The following PDILT variants were observed in gnomAD, a reference collection of about 807,000 sequenced individuals.
PDILT encodes the protein protein disulfide isomerase like, testis expressed.
Under a neutral mutation model 53.7 loss-of-function variants are expected in PDILT, and 43 were observed. That is an observed-to-expected ratio of 0.80 (90% confidence interval 0.63 to 1.03). The LOEUF (loss-of-function observed/expected upper bound fraction) is 1.03. PDILT is among the 50% of genes least tolerant of loss of function. The probability of loss-of-function intolerance (pLI) is 0.00; values close to 1 mark genes in which losing one functional copy is unlikely to be tolerated. For synonymous variants in PDILT, 282 were observed against 274.2 expected (o/e 1.03, Z -0.28); for missense variants, 727 against 712.3 (o/e 1.02, Z -0.24).
chr16:20,379,515 A>G lies in PDILT; in HGVS notation c.410-3314T>C, dbSNP rs1211691589. Among the ~76,000 whole-genome samples the G allele has an allele frequency of 3.3e-5, 5 of 151,964 alleles. No individual in the cohort carries two copies. The South Asian group carries it at 6.2e-4, about 19-fold the overall frequency. The stretch of plus-strand genomic sequence containing the variant: ...TTTTTAGTAGAGACGAGGTTTTGCT[A>G]TGTTGCCCAGGCCAGTCTCGAACTC... On this transcript the variant is annotated intron_variant, in intron 3 of 11. Transcript: ENST00000302451.
At chr16:20,391,839 C>T (rs567441136) in intron 2 of PDILT, among the ~76,000 whole-genome samples, 1 of 151,934 alleles carries the variant, frequency 6.6e-6, no homozygotes, top group Admixed American at 6.6e-5. Context: ...AAGGTGGGTA[C>T]AGCCTACCAA....
intron 3 of PDILT, among the ~76,000 whole-genome samples, chr16:20,382,288 C>T (rs2141608283): frequency 6.6e-6 from 1 of 152,336 alleles, no homozygotes; most frequent in East Asian, 1.9e-4. Flanking sequence ...ACACATCTGC[C>T]TCTTGCTTAG....
intron 1 of PDILT, among the ~76,000 whole-genome samples, chr16:20,403,450 C>T (rs11649245): frequency 0.26 from 39,358 of 151,964 alleles, 6,083 homozygotes; most frequent in Admixed American, 0.36. Context: ...CCACCATGCC[C>T]GGCTAATTTT....
intron 8 of PDILT, among the ~76,000 whole-genome samples, chr16:20,367,083 CTTTCTTTCTTTCTTT>C (rs1966221729): frequency 4.3e-5 from 5 of 115,646 alleles, no homozygotes; most frequent in South Asian, 2.7e-4. Flanking sequence ...TTCTTTCTTT[CTTTCTTTCTTTCTTT>C]CTTTCTTCCT....
chr16:20,360,277 C>A (rs1013959299), intron 11 of PDILT, among the ~76,000 whole-genome samples: 2 of 152,130 alleles, frequency 1.3e-5, no homozygotes, highest in African/African-American at 2.4e-5. Context: ...GGCAGAATCC[C>A]ACCAAGACAT....
intron 4 of PDILT, 123 bp from the exon 5 acceptor site, chr16:20,375,082 G>T: frequency 8.8e-7 from 1 of 1,138,198 alleles, no homozygotes; most frequent in Non-Finnish European, 1.2e-6. Flanking sequence ...GGGTTTGCCT[G>T]GGTCACCCAA....
At chr16:20,366,968 C>T (rs1403261202) in intron 8 of PDILT, among the ~76,000 whole-genome samples, 1 of 76,056 alleles carries the variant, frequency 1.3e-5, no homozygotes, top group African/African-American at 3.4e-5. Context: ...TCCTTCCTTC[C>T]TTCCTTCCTT....
chr16:20,372,337 A>C (rs957520464), intron 7 of PDILT, among the ~76,000 whole-genome samples: 8 of 152,268 alleles, frequency 5.3e-5, no homozygotes, highest in Non-Finnish European at 1.2e-4. Context: ...TTGGGTCTGC[A>C]CAATGTTAAA....
Position 20,369,535 on chromosome 16 carries a change from C to T in PDILT, c.1073G>A (p.Ser358Asn). Residue 358 changes from serine to asparagine, a missense_variant, in exon 8 of 12, where the codon AGC becomes AAC. Transcript: ENST00000302451. ...KMPSDDITYE[S>N]LKKFGRSFLS... Reference sequence around the variant, plus strand: ...GAAGCTGCGGCCAAATTTCTTGAGGCTTTCGTAGGTTATGTCATCTGAAGG... The same window carrying T: ...GAAGCTGCGGCCAAATTTCTTGAGGTTTTCGTAGGTTATGTCATCTGAAGG... 1 of 1,614,190 alleles carries T rather than the reference C, an allele frequency of 6.2e-7. No homozygotes were observed. The highest frequency in any genetic ancestry group is 8.5e-7 in the Non-Finnish European group (1 of 1,180,042).
At chr16:20,375,125 G>T (rs754800993) in intron 4 of PDILT, among the ~76,000 whole-genome samples, 166 bp from the exon 5 acceptor site, 18 of 152,190 alleles carry the variant, frequency 1.2e-4, no homozygotes, top group Non-Finnish European at 1.0e-4. Context: ...TACTCAAAAT[G>T]CTTCTCTGGC....
At chr16:20,390,274 C>G (rs1966592567) in intron 2 of PDILT, among the ~76,000 whole-genome samples, 1 of 152,088 alleles carries the variant, frequency 6.6e-6, no homozygotes, top group African/African-American at 2.4e-5. Context: ...ATCTGTACCT[C>G]CCTATTTTTC....
chr16:20,384,939 C>T (rs1966514239), intron 2 of PDILT, 88 bp from the exon 3 acceptor site: 14 of 1,307,120 alleles, frequency 1.1e-5, no homozygotes, highest in South Asian at 4.8e-5. Flanking sequence ...GCTTAGCTCC[C>T]GGAACCTTTC....
Position 20,369,488 on chromosome 16 carries a change from CTA to C in PDILT, c.1116+2_1116+3del. On this transcript the variant is annotated splice_donor_variant and splice_donor_region_variant and intron_variant, in intron 8 of 11. Coordinates refer to ENST00000302451, the MANE Select transcript of PDILT (RefSeq NM_174924.2). LOFTEE classifies it high-confidence loss of function. Reference sequence around the variant, plus strand: ...GGATAAACCTTGTCCAAGAAAAAACCTACTGTGGCATTTTTACTCAGGAAGCT... The same window carrying C: ...GGATAAACCTTGTCCAAGAAAAAACCCTGTGGCATTTTTACTCAGGAAGCT... The C allele has an allele frequency of 6.2e-7, 1 of 1,613,074 alleles. No individual in the cohort carries two copies. The highest frequency in any genetic ancestry group is 1.6e-4 in the Middle Eastern group (1 of 6,062).
Position 20,399,208 on chromosome 16 carries a change from G to A in PDILT, c.93C>T (p.Ile31=). ...GGATGTGCACAGGCTTGGTTATGTG[G>A]ATGCTGGAAACACCGGCGTTAACCT... ...SPEVNAGVSS[I]HITKPVHILE... The change falls in exon 2 of 12, where the codon ATC becomes ATT. Residue 31 remains isoleucine (I), a synonymous_variant. Coordinates refer to ENST00000302451, the MANE Select transcript of PDILT (RefSeq NM_174924.2). The A allele has an allele frequency of 1.2e-6, 2 of 1,614,174 alleles. No homozygotes were observed. Among genetic ancestry groups the A allele is most frequent in the African/African-American group, 2.7e-5 (2 of 75,036 alleles).
intron 3 of PDILT, 85 bp downstream of exon 3, chr16:20,384,550 AAGCTGCATGG>A (rs1966504856): frequency 1.9e-5 from 28 of 1,457,596 alleles, no homozygotes; most frequent in Non-Finnish European, 2.6e-5. Context: ...GGTCCCCGAG[AAGCTGCATGG>A]AGCAGAGCCT....
chr16:20,384,557 A>C (rs1331417646), intron 3 of PDILT, 88 bp downstream of exon 3: 24 of 1,511,226 alleles, frequency 1.6e-5, no homozygotes, highest in Non-Finnish European at 2.1e-5. Flanking sequence ...GAGAAGCTGC[A>C]TGGAGCAGAG....
At position 20,361,415 on chromosome 16, in the gene PDILT, C is replaced by T. The variant is rs562518202; in HGVS notation, c.1417-758G>A. Among the ~76,000 whole-genome samples, 6 of 152,142 alleles carry T rather than the reference C, an allele frequency of 3.9e-5. No individual in the cohort carries two copies. The East Asian group carries it at 1.2e-3, about 29-fold the overall frequency. ...GGCCAGGATGGTCTGGATCTCTTGA[C>T]CTCGTGATCCAACTGCCTCAGGCTC... On this transcript the variant is annotated intron_variant, in intron 10 of 11. Transcript: ENST00000302451.
intron 1 of PDILT, among the ~76,000 whole-genome samples, chr16:20,400,068 A>T (rs1375841808): frequency 0.025 from 2,706 of 109,264 alleles, 67 homozygotes; most frequent in South Asian, 0.067. Flanking sequence ...ATATATATAT[A>T]TATATTTTTT....
At chr16:20,389,138 G>T (rs1966575713) in intron 2 of PDILT, among the ~76,000 whole-genome samples, 1 of 152,052 alleles carries the variant, frequency 6.6e-6, no homozygotes, top group Non-Finnish European at 1.5e-5. Context: ...AGAGGCCAAG[G>T]GTGCCCATGG....
Sources: allele counts gnomAD v4.1 joint callset (sites outside exome capture counted in the v4.1 genomes callset), GRCh38; gene constraint gnomAD v4.1.1; transcripts MANE v1.5; gene names NCBI Gene and HGNC (gene_info 2026-07-23, HGNC 2026-07-21).